CCDC171: variants seen among roughly 807,000 people sequenced by gnomAD.
The protein encoded by CCDC171 is coiled-coil domain-containing protein 171.
A neutral mutation model predicts 168.2 loss-of-function variants in CCDC171; 177 were observed. That is an observed-to-expected ratio of 1.05 (90% CI 0.93 to 1.19). The LOEUF is 1.19. Among genes scored for constraint, CCDC171 ranks in the 50% most tolerant of loss-of-function variants. The pLI is 0.00. For synonymous variants in CCDC171, 687 were observed against 540.8 expected (o/e 1.27, Z -3.75); for missense variants, 1,991 against 1,539.0 (o/e 1.29, Z -4.91).
chr9:15,888,958 T>TC (rs1819824059), intron 24 of CCDC171: 1 of 109,572 alleles, frequency 9.1e-6, no homozygotes, highest in Non-Finnish European at 2.2e-5. Flanking sequence ...TCTTTTTTTT[T>TC]TTTTTTTTTT....
At chr9:16,034,089 AAG>A (rs1833418423) in intron 6 of CCDC171, among the ~76,000 whole-genome samples, 1 of 152,220 alleles carries the variant, frequency 6.6e-6, no homozygotes, top group African/African-American at 2.4e-5. Flanking sequence ...GGAATGCTGA[AAG>A]AGGGGAAACA....
intron 10 of CCDC171, among the ~76,000 whole-genome samples, chr9:15,689,994 A>G (rs919056210): frequency 4.6e-5 from 7 of 152,208 alleles, no homozygotes; most frequent in African/African-American, 1.7e-4. Flanking sequence ...AGAACTGGCT[A>G]TCCACATCCA....
chr9:15,788,597 T>G (rs1354422454), intron 21 of CCDC171, among the ~76,000 whole-genome samples: 1 of 151,640 alleles, frequency 6.6e-6, no homozygotes, highest in Non-Finnish European at 1.5e-5. Flanking sequence ...TGTTTTTTTT[T>G]TTTTAAAGAC....
chr9:15,738,876 G>A (rs1336659067), intron 16 of CCDC171, among the ~76,000 whole-genome samples: 1 of 151,728 alleles, frequency 6.6e-6, no homozygotes, highest in East Asian at 1.9e-4. Context: ...CATTAATTGG[G>A]CATTTATTCA....
intron 6 of CCDC171, among the ~76,000 whole-genome samples, chr9:15,621,243 A>T (rs751664783): frequency 2.6e-5 from 4 of 152,222 alleles, no homozygotes; most frequent in Non-Finnish European, 4.4e-5. Flanking sequence ...CTGGGATTAC[A>T]GGCGTGAGCC....
chr9:15,811,083 G>T (rs2059335837), intron 21 of CCDC171, among the ~76,000 whole-genome samples: 1 of 152,248 alleles, frequency 6.6e-6, no homozygotes, highest in Non-Finnish European at 1.5e-5. Flanking sequence ...CGAGAGGACA[G>T]GTGTCACGTG....
At chr9:15,668,096 A>G (rs1399757582) in intron 9 of CCDC171, among the ~76,000 whole-genome samples, 3 of 152,222 alleles carry the variant, frequency 2.0e-5, no homozygotes, top group Non-Finnish European at 2.9e-5. Context: ...AGGACCTACA[A>G]GTAAAACTGT....
chr9:15,695,377 G>A (rs773557292), intron 11 of CCDC171, 40 bp downstream of exon 11: 1 of 1,437,812 alleles, frequency 7.0e-7, no homozygotes. Context: ...ATCTGTCAAT[G>A]TTCCAAAGTC....
intron 4 of CCDC171, among the ~76,000 whole-genome samples, chr9:15,585,422 C>T (rs2041479110): frequency 1.3e-5 from 2 of 152,116 alleles, no homozygotes; most frequent in Non-Finnish European, 2.9e-5. Context: ...CAACCACTAA[C>T]GTATGCGGTA....
rs367841667 is a variant in CCDC171, at chr9:15,920,292, A to G, written c.3623A>G (p.Asp1208Gly). Residue 1208 changes from aspartate (D) to glycine (G), a missense_variant, in exon 25 of 26, where the codon GAT becomes GGT. Transcript: ENST00000380701. Reference sequence around the variant, plus strand: ...AAGGCTATGATTAAAAGTTTCATGGATGTCTACCAGCTTGCAAGCACTAGA... The same window carrying G: ...AAGGCTATGATTAAAAGTTTCATGGGTGTCTACCAGCTTGCAAGCACTAGA... Reference protein sequence around the residue: ...ACQAMIKSFMDVYQLASTRIM... With the variant: ...ACQAMIKSFMGVYQLASTRIM... The G allele has an allele frequency of 6.3e-5, 100 of 1,594,836 alleles. No homozygotes were observed. Among genetic ancestry groups the G allele is most frequent in the Non-Finnish European group, 8.2e-5 (96 of 1,168,712 alleles).
chr9:15,602,815 G>T (rs2042959223), intron 6 of CCDC171, among the ~76,000 whole-genome samples: 1 of 151,530 alleles, frequency 6.6e-6, no homozygotes, highest in South Asian at 2.1e-4. Context: ...GCACCACCAT[G>T]CCCAGCTAAT....
the CCDC171 span, among the ~76,000 whole-genome samples, chr9:16,085,642 G>C: frequency 6.6e-6 from 1 of 152,226 alleles, no homozygotes; most frequent in African/African-American, 2.4e-5. Context: ...TGTGTTTCCA[G>C]GTCCTCCCCT....
intron 3 of CCDC171, among the ~76,000 whole-genome samples, chr9:16,012,951 C>T (rs1168596577): frequency 6.6e-6 from 1 of 152,128 alleles, no homozygotes. Flanking sequence ...ACCATCACAC[C>T]AGCTACCACA....
At chr9:15,698,452 C>T (rs927041692) in intron 11 of CCDC171, among the ~76,000 whole-genome samples, 5 of 147,038 alleles carry the variant, frequency 3.4e-5, no homozygotes, top group South Asian at 4.3e-4. Flanking sequence ...ACCTGGGAGG[C>T]GGAGCTTGCA....
chr9:15,998,575 G>A (rs572531438), intron 3 of CCDC171, among the ~76,000 whole-genome samples: 18 of 152,214 alleles, frequency 1.2e-4, no homozygotes, highest in Admixed American at 3.3e-4. Context: ...CAATATAGTC[G>A]ATTTGTCATC....
chr9:15,592,156 G>GA (rs34449158), intron 5 of CCDC171, among the ~76,000 whole-genome samples: 20,893 of 140,592 alleles, frequency 0.15, 2,819 homozygotes, highest in African/African-American at 0.36. Flanking sequence ...CAGTTTAAAT[G>GA]AAAAAAAAAA....
chr9:15,877,700 A>G (rs932147056), intron 24 of CCDC171, among the ~76,000 whole-genome samples: 1 of 152,126 alleles, frequency 6.6e-6, no homozygotes, highest in Non-Finnish European at 1.5e-5. Context: ...TATTAGACCA[A>G]TTAGCTTTAA....
intron 19 of CCDC171, among the ~76,000 whole-genome samples, chr9:15,778,155 G>T (rs1299909811): frequency 6.6e-6 from 1 of 150,800 alleles, no homozygotes; most frequent in African/African-American, 2.4e-5. Context: ...AAATTAGCCC[G>T]GCGCGGTGGC....
At chr9:15,575,981 A>G (rs183050006) in intron 3 of CCDC171, among the ~76,000 whole-genome samples, 296 of 152,130 alleles carry the variant, frequency 1.9e-3, no homozygotes, top group Non-Finnish European at 3.5e-3. Context: ...AATCCCAGCT[A>G]CTTGGGTGGC....
Sources: gnomAD v4.1 joint callset for allele counts (sites outside exome capture counted in the v4.1 genomes callset) on GRCh38, gnomAD v4.1.1 for gene constraint, MANE v1.5 for transcripts, NCBI Gene and HGNC (gene_info 2026-07-23, HGNC 2026-07-21) for gene names.